The following SYCP1 variants were observed in gnomAD, a reference collection of about 807,000 sequenced individuals.
SYCP1 encodes synaptonemal complex protein 1.
SYCP1 carries 64 observed loss-of-function variants against 153.1 expected under a neutral mutation model. That is an observed-to-expected ratio of 0.42 (90% confidence interval 0.34 to 0.51). The LOEUF (loss-of-function observed/expected upper bound fraction) is 0.51. SYCP1 is among the 20% of genes least tolerant of loss of function. The pLI is 0.06. For missense variants in SYCP1, 997 were observed against 1,049.0 expected, an observed-to-expected ratio of 0.95 and a Z score of 0.68; for synonymous variants, 384 against 341.8, an observed-to-expected ratio of 1.12 and a Z score of -1.36.
chr1:114,907,832 C>T (rs1459498658), intron 16 of SYCP1, among the ~76,000 whole-genome samples: 2 of 152,080 alleles, frequency 1.3e-5, no homozygotes, highest in South Asian at 2.1e-4. Context: ...CCACCCGCCT[C>T]GGCCTCCCTA....
At chr1:114,865,707 G>T (rs1305341227) in intron 8 of SYCP1, among the ~76,000 whole-genome samples, 2 of 151,876 alleles carry the variant, frequency 1.3e-5, no homozygotes, top group African/African-American at 2.4e-5. Context: ...CATCATAATT[G>T]TCCAAAGTTC....
At chr1:114,989,096 G>T (rs1557856878) in intron 30 of SYCP1, among the ~76,000 whole-genome samples, 1 of 151,948 alleles carries the variant, frequency 6.6e-6, no homozygotes, top group South Asian at 2.1e-4. Flanking sequence ...GAGCCTGGGA[G>T]GTCAGGGATG....
intron 15 of SYCP1, among the ~76,000 whole-genome samples, chr1:114,892,778 C>A (rs1197961230): frequency 6.6e-6 from 1 of 151,978 alleles, no homozygotes; most frequent in Non-Finnish European, 1.5e-5. Context: ...GTCTTGGTAG[C>A]AGTAGCCAGC....
intron 23 of SYCP1, among the ~76,000 whole-genome samples, chr1:114,944,097 A>G (rs750625109): frequency 3.3e-5 from 5 of 151,882 alleles, no homozygotes; most frequent in African/African-American, 4.8e-5. Flanking sequence ...TTCATTAAAA[A>G]TAAATGCATG....
At chr1:114,943,408 C>T (rs1341358338) in intron 23 of SYCP1, among the ~76,000 whole-genome samples, 2 of 151,722 alleles carry the variant, frequency 1.3e-5, no homozygotes, top group African/African-American at 4.8e-5. Context: ...CACTACTCAG[C>T]AGTGAAAATG....
intron 14 of SYCP1, among the ~76,000 whole-genome samples, 190 bp from the exon 15 acceptor site, chr1:114,887,436 T>C (rs1447298027): frequency 6.6e-6 from 1 of 151,902 alleles, no homozygotes; most frequent in Non-Finnish European, 1.5e-5. Context: ...GAATTATGTA[T>C]TTATAATAGT....
chr1:114,970,826 A>T (rs1672441965), intron 27 of SYCP1, among the ~76,000 whole-genome samples: 1 of 152,186 alleles, frequency 6.6e-6, no homozygotes, highest in Non-Finnish European at 1.5e-5. Flanking sequence ...AGGGCAGTGA[A>T]GCAGACTCTA....
intron 16 of SYCP1, among the ~76,000 whole-genome samples, chr1:114,904,148 G>A (rs474584): frequency 0.36 from 52,421 of 144,226 alleles, 10,272 homozygotes; most frequent in East Asian, 0.5. Flanking sequence ...ACGGAGTCTT[G>A]CTCTGTTGCC....
chr1:114,929,005 G>A (rs891270050), intron 23 of SYCP1, among the ~76,000 whole-genome samples: 1 of 152,144 alleles, frequency 6.6e-6, no homozygotes, highest in Non-Finnish European at 1.5e-5. Context: ...TTCATAAACA[G>A]CCAACTTTTC....
intron 8 of SYCP1, among the ~76,000 whole-genome samples, chr1:114,866,748 G>A (rs1490594004): frequency 6.6e-6 from 1 of 150,514 alleles, no homozygotes; most frequent in Non-Finnish European, 1.5e-5. Context: ...TTCTTTCATG[G>A]ATTGTATCTA....
At chr1:114,912,618 T>C (rs1169774847) in intron 18 of SYCP1, among the ~76,000 whole-genome samples, 1 of 151,974 alleles carries the variant, frequency 6.6e-6, no homozygotes, top group African/African-American at 2.4e-5. Flanking sequence ...TAAAAATATC[T>C]TAATTAAACA....
At chr1:114,913,267 T>A in intron 19 of SYCP1, 117 bp downstream of exon 19, 4 of 778,396 alleles carry the variant, frequency 5.1e-6, no homozygotes, top group Non-Finnish European at 8.2e-6. Flanking sequence ...GCTAAAACTT[T>A]GTTTTAGCAG....
At chr1:114,864,098 G>C (rs555146163) in intron 8 of SYCP1, among the ~76,000 whole-genome samples, 31 of 149,976 alleles carry the variant, frequency 2.1e-4, no homozygotes, top group Non-Finnish European at 2.8e-4. Flanking sequence ...ATGTAACAAA[G>C]CTACACATTC....
chr1:114,924,374 G>C (rs747001206), intron 21 of SYCP1, among the ~76,000 whole-genome samples: 2 of 152,172 alleles, frequency 1.3e-5, no homozygotes, highest in Admixed American at 6.6e-5. Flanking sequence ...GATAGAGTTA[G>C]CCAGCAGGAC....
At chr1:114,933,517 C>T (rs942264901) in intron 23 of SYCP1, among the ~76,000 whole-genome samples, 9 of 152,200 alleles carry the variant, frequency 5.9e-5, no homozygotes, top group African/African-American at 1.9e-4. Context: ...TGCAGCTCCT[C>T]GCCAGCAATG....
intron 23 of SYCP1, 57 bp downstream of exon 23, chr1:114,926,620 AC>A: frequency 7.2e-7 from 1 of 1,391,744 alleles, no homozygotes; most frequent in Non-Finnish European, 9.8e-7. Flanking sequence ...GAGAATTTAG[AC>A]ATTTTATTCC....
chr1:114,857,136 CA>C (rs71582509), intron 3 of SYCP1, 95 bp from the exon 4 acceptor site: 24,734 of 242,624 alleles, frequency 0.1, 7 homozygotes, highest in African/African-American at 0.15. Context: ...CTCTCTCTCT[CA>C]AAAAAAAAAA....
At chr1:114,956,095 C>A (rs1456232733) in intron 27 of SYCP1, among the ~76,000 whole-genome samples, 1 of 152,210 alleles carries the variant, frequency 6.6e-6, no homozygotes, top group Non-Finnish European at 1.5e-5. Flanking sequence ...CTCACCCATA[C>A]CTCGCAGCTG....
rs116514407 is a variant in SYCP1 at position 114,904,517 on chromosome 1, C to T, written c.1321-5880C>T. On this transcript the variant is annotated intron_variant, in intron 16 of 31. Transcript: ENST00000369522. ...TCAGGTTGAACTGACATCATTAGTA[C>T]GTTGAATCTTCTAGTACATGAACGT... 6.8e-3 allele frequency among the ~76,000 whole-genome samples: 1,039 copies of T among 152,220 alleles called. 15 individuals are homozygous for T. Among genetic ancestry groups the T allele is most frequent in the African/African-American group, 0.023 (946 of 41,532 alleles).
Sources: gnomAD v4.1 joint callset for allele counts (sites outside exome capture counted in the v4.1 genomes callset) on GRCh38, gnomAD v4.1.1 for gene constraint, MANE v1.5 for transcripts, NCBI Gene and HGNC (gene_info 2026-07-23, HGNC 2026-07-21) for gene names.